Variants in TRRAP observed in about 807,000 individuals in gnomAD.
TRRAP encodes transformation/transcription domain-associated protein.
TRRAP carries 41 observed loss-of-function variants against 438.8 expected under a neutral mutation model. That is an observed-to-expected ratio of 0.09 (90% CI 0.07 to 0.12). The LOEUF (loss-of-function observed/expected upper bound fraction) is 0.12, where lower values mean the gene tolerates loss of function less well. TRRAP is among the 10% of genes least tolerant of loss of function. The pLI, the probability that TRRAP is intolerant of heterozygous loss-of-function variation, is 1.00. For missense variants in TRRAP, 3,122 were observed against 5,055.1 expected, an observed-to-expected ratio of 0.62 and a Z score of 11.60; for synonymous variants, 1,994 against 1,962.9, an observed-to-expected ratio of 1.02 and a Z score of -0.42.
intron 38 of TRRAP, 122 bp from the exon 39 acceptor site, chr7:98,950,754 A>G: frequency 8.0e-7 from 1 of 1,242,832 alleles, no homozygotes; most frequent in Non-Finnish European, 1.1e-6. Context: ...GTTGGTAGTC[A>G]CACCCTGGGT....
In TRRAP at chr7:98,908,063, G is replaced by A. The variant is rs1002477351; in HGVS notation, c.1116-665G>A. On this transcript the variant is annotated intron_variant, in intron 13 of 72. Coordinates refer to ENST00000456197, the MANE Select transcript of TRRAP (RefSeq NM_001375524.1). The surrounding 1 kb of genome is among the most constrained non-coding windows in gnomAD (Gnocchi z 4.1). ...CCTTATGGCCCCTTTTTGTCCTTAA[G>A]ATCTCAACTTCAGTGCCACCTCAAA... Among the ~76,000 whole-genome samples the A allele has an allele frequency of 2.0e-5, 3 of 152,120 alleles. No homozygotes were observed. The highest frequency in any genetic ancestry group is 4.4e-5 in the Non-Finnish European group (3 of 68,026).
At chr7:98,984,723 C>A (rs965646553) in intron 61 of TRRAP, among the ~76,000 whole-genome samples, 4 of 152,084 alleles carry the variant, frequency 2.6e-5, no homozygotes, top group Non-Finnish European at 5.9e-5. Context: ...GAAAATAAGA[C>A]CCCTAAGTAT....
intron 58 of TRRAP, 114 bp from the exon 59 acceptor site, chr7:98,981,655 G>C: frequency 9.9e-7 from 1 of 1,005,214 alleles, no homozygotes; most frequent in Non-Finnish European, 1.4e-6. Context: ...CCTAATTTCT[G>C]TGTATTGCCT....
rs1790646497 is a variant in TRRAP, at chr7:98,938,338, CA to C, written c.4404+524del. Among the ~76,000 whole-genome samples, 9 of 151,992 alleles carry C rather than the reference CA, an allele frequency of 5.9e-5. No individual in the cohort carries two copies. In the South Asian group the frequency reaches 1.9e-3, roughly 32 times the overall value. ...TGGGTGACAGAGCAAGACCCTGCCT[CA>C]AAAAATAAATAAATAAAAACAATGC... On this transcript the variant is annotated intron_variant, in intron 30 of 72. Transcript: ENST00000456197.
rs1554417307 is a variant in TRRAP at position 98,948,092 on chromosome 7, T to G, written c.4549-129T>G. ...AGGCTAGTAAGTTGTGGCTTTTACA[T>G]GTGAACCCTTCGCTTCACTGCCTAG... is the stretch of plus-strand genomic sequence containing the variant. On this transcript the variant is annotated intron_variant, in intron 33 of 72. Coordinates refer to ENST00000456197, the MANE Select transcript of TRRAP (RefSeq NM_001375524.1). This position sits in a 1 kb window ranked among gnomAD's most constrained non-coding sequence, Gnocchi z 4.9. 1 of 1,350,384 alleles carries G rather than the reference T, an allele frequency of 7.4e-7. No homozygotes were observed. Among genetic ancestry groups the G allele is most frequent in the Admixed American group, 1.9e-5 (1 of 53,728 alleles). The allele number at this position is 1,350,384 out of a possible 1,614,324, so 83.7% of individuals were successfully genotyped here. A position where few individuals can be genotyped will look rare whatever the true frequency, so the allele number is the denominator to read the frequency against.
chr7:98,931,100 A>T (rs28631102), intron 25 of TRRAP, among the ~76,000 whole-genome samples: 2 of 152,190 alleles, frequency 1.3e-5, no homozygotes, highest in Non-Finnish European at 2.9e-5. Flanking sequence ...TCTGCTTCTC[A>T]TGTGCTGTTT....
chr7:98,964,493 T>C lies in TRRAP; in HGVS notation c.6830-136T>C, dbSNP rs1189409622. The C allele has an allele frequency of 3.1e-6, 3 of 967,192 alleles. No homozygotes were observed. In the African/African-American group the frequency reaches 4.9e-5, roughly 16 times the overall value. The allele number at this position is 967,192 out of a possible 1,614,324, so 59.9% of individuals were successfully genotyped here. Reference sequence around the variant, plus strand: ...CATTCAGAATGTAGCGTGAGCCATGTAAAAGCTCACAGTGTTGACACTGGG... The same window carrying C: ...CATTCAGAATGTAGCGTGAGCCATGCAAAAGCTCACAGTGTTGACACTGGG... On this transcript the variant is annotated intron_variant, in intron 47 of 72. Transcript: ENST00000456197.
Position 98,956,620 on chromosome 7 carries a change from G to A in TRRAP, c.6231+87G>A, listed in dbSNP as rs1791631490. ...CCTATATTTAGAATGTGAGCTCGGTGCTCAGCTGCATTCAGGAGAGGAAGC... is the reference window on the plus strand; with the variant it reads ...CCTATATTTAGAATGTGAGCTCGGTACTCAGCTGCATTCAGGAGAGGAAGC... On this transcript the variant is annotated intron_variant, in intron 43 of 72. Transcript: ENST00000456197. The surrounding 1 kb of genome is among the most constrained non-coding windows in gnomAD (Gnocchi z 4.5). 2.6e-6 allele frequency: 4 copies of A among 1,527,904 alleles called. No homozygotes were observed. The highest frequency in any genetic ancestry group is 2.8e-5 in the African/African-American group (2 of 72,222). The allele number at this position is 1,527,904 out of a possible 1,614,324, so 94.6% of individuals were successfully genotyped here.
intron 20 of TRRAP, among the ~76,000 whole-genome samples, chr7:98,918,997 A>AG (rs1243937499): frequency 2.6e-5 from 4 of 152,062 alleles, no homozygotes; most frequent in African/African-American, 9.7e-5. Context: ...AAAAAAAAAA[A>AG]AAAGAAAAAA....
chr7:98,984,839 T>C (rs1793084660), intron 61 of TRRAP, 105 bp from the exon 62 acceptor site: 1 of 630,380 alleles, frequency 1.6e-6, no homozygotes, highest in East Asian at 2.7e-5. Context: ...TAAAGTACAT[T>C]GGTCAATGAC....
intron 67 of TRRAP, among the ~76,000 whole-genome samples, chr7:99,001,315 G>C (rs1303659645): frequency 6.6e-6 from 1 of 152,236 alleles, no homozygotes; most frequent in Non-Finnish European, 1.5e-5. Flanking sequence ...CCGTCTATAC[G>C]TGAAGCGCTT....
At chr7:98,957,532 G>T (rs978939780) in intron 43 of TRRAP, among the ~76,000 whole-genome samples, 1 of 152,136 alleles carries the variant, frequency 6.6e-6, no homozygotes, top group South Asian at 2.1e-4. Flanking sequence ...GGGTGACCAG[G>T]CCCTGCTGAT....
At chr7:98,924,688 CAAAAAAAA>C (rs34211183) in intron 21 of TRRAP, among the ~76,000 whole-genome samples, 4 of 95,332 alleles carry the variant, frequency 4.2e-5, no homozygotes, top group East Asian at 6.6e-4. Context: ...GACTCCGTCT[CAAAAAAAA>C]AAAAAAAAAA....
chr7:98,950,397 C>T (rs1482753225), intron 38 of TRRAP, 135 bp downstream of exon 38: 1 of 1,076,322 alleles, frequency 9.3e-7, no homozygotes, highest in Non-Finnish European at 1.3e-6. Flanking sequence ...TGGCATGTGC[C>T]TGTAATCCCA....
Position 98,985,984 on chromosome 7 carries a change from A to G in TRRAP, c.9389+940A>G, listed in dbSNP as rs1224012206. On this transcript the variant is annotated intron_variant, in intron 62 of 72. Transcript: ENST00000456197. Reference sequence around the variant, plus strand: ...CCTTTCTCTTGACAACTACTAATGTACTTTCTGCCTCTATGGATTTGCTTA... The same window carrying G: ...CCTTTCTCTTGACAACTACTAATGTGCTTTCTGCCTCTATGGATTTGCTTA... 3.3e-5 allele frequency among the ~76,000 whole-genome samples: 5 copies of G among 152,126 alleles called. No homozygotes were observed. The East Asian group carries it at 9.6e-4, about 29-fold the overall frequency.
intron 26 of TRRAP, 78 bp downstream of exon 26, chr7:98,931,743 T>TA: frequency 6.4e-7 from 1 of 1,551,788 alleles, no homozygotes; most frequent in African/African-American, 1.4e-5. Flanking sequence ...GTTGAGGTGA[T>TA]ACTCCGTTTA....
In TRRAP at chr7:98,933,512, G is replaced by T; in HGVS notation, c.4014+110G>T. On this transcript the variant is annotated intron_variant, in intron 27 of 72. Coordinates refer to ENST00000456197, the MANE Select transcript of TRRAP (RefSeq NM_001375524.1). ...AGCATTCAGAGAAGGCTCGGGCGGG[G>T]ACCTGCAGGTAACCCACTGACACCT... 7 of 1,432,034 alleles carry T rather than the reference G, an allele frequency of 4.9e-6. No individual in the cohort carries two copies. In the African/African-American group the frequency reaches 8.5e-5, roughly 17 times the overall value. 88.7% of individuals were successfully genotyped at this position (1,432,034 alleles called of 1,614,324 possible).
intron 3 of TRRAP, among the ~76,000 whole-genome samples, chr7:98,889,907 GATTAT>G (rs566646278): frequency 9.9e-5 from 15 of 151,950 alleles, no homozygotes; most frequent in Non-Finnish European, 1.9e-4. Context: ...GATTAGATTA[GATTAT>G]AATATAATTA....
chr7:98,916,852 T>C (rs2116443152), intron 19 of TRRAP, among the ~76,000 whole-genome samples: 1 of 152,264 alleles, frequency 6.6e-6, no homozygotes, highest in South Asian at 2.1e-4. Flanking sequence ...CCCTGATGGC[T>C]TCTCTTCTCC....
Sources: allele counts gnomAD v4.1 joint callset (sites outside exome capture counted in the v4.1 genomes callset), GRCh38; gene constraint gnomAD v4.1.1; non-coding constraint Gnocchi (gnomAD v3.1); transcripts MANE v1.5; gene names NCBI Gene and HGNC (gene_info 2026-07-23, HGNC 2026-07-21).